Variants in BEAN1 observed in about 807,000 individuals in gnomAD.
BEAN1 encodes the protein brain expressed associated with NEDD4 1, also known as protein BEAN1.
Under a neutral mutation model 17.7 loss-of-function variants are expected in BEAN1, and 17 were observed. The ratio of observed to expected loss-of-function variants is 0.96; its 90% CI spans 0.66 to 1.44. The LOEUF (loss-of-function observed/expected upper bound fraction) is 1.44, where lower values mean the gene tolerates loss of function less well. Among genes scored for constraint, BEAN1 ranks in the 40% most tolerant of loss-of-function variants. BEAN1 has a pLI of 0.00. For synonymous variants in BEAN1, 142 were observed against 151.8 expected (o/e 0.94, Z 0.47); for missense variants, 359 against 374.1 (o/e 0.96, Z 0.33).
At chr16:66,435,087 G>A (rs1961961720) in intron 1 of BEAN1, among the ~76,000 whole-genome samples, 1 of 152,110 alleles carries the variant, frequency 6.6e-6, no homozygotes, top group African/African-American at 2.4e-5. Flanking sequence ...AGCTACATAG[G>A]AGTTTGCCAA....
rs1156252095 is a variant in BEAN1 at position 66,482,428 on chromosome 16, G to A, written c.*1503G>A. On this transcript the variant is annotated 3_prime_UTR_variant, in exon 5 of 5. Coordinates refer to ENST00000536005, the MANE Select transcript of BEAN1 (RefSeq NM_001178020.3). ...CTGTAGAGATAGCATTTCTTCTGGTGCGGAGCTGAAAGGAATCCACCCAGA... is the reference window on the plus strand; with the variant it reads ...CTGTAGAGATAGCATTTCTTCTGGTACGGAGCTGAAAGGAATCCACCCAGA... The A allele has an allele frequency of 6.1e-6, 1 of 163,082 alleles. No homozygotes were observed. The highest frequency in any genetic ancestry group is 1.3e-5 in the Non-Finnish European group (1 of 74,428). 10.1% of individuals were successfully genotyped at this position (163,082 alleles called of 1,614,324 possible).
At chr16:66,469,463 A>T in intron 2 of BEAN1, 139 bp from the exon 3 acceptor site, 1 of 1,072,772 alleles carries the variant, frequency 9.3e-7, no homozygotes, top group Non-Finnish European at 1.3e-6. Context: ...AGGAGCAGCC[A>T]GGATAGAGTC....
At chr16:66,487,880 G>A (rs1964110748) in intron 4 of BEAN1, among the ~76,000 whole-genome samples, 1 of 152,158 alleles carries the variant, frequency 6.6e-6, no homozygotes, top group Non-Finnish European at 1.5e-5. Flanking sequence ...CAGTCACACT[G>A]ACGGGCAGAG....
At chr16:66,494,375 G>A (rs954406438), downstream of BEAN1, among the ~76,000 whole-genome samples, 2 of 152,220 alleles carry the variant, frequency 1.3e-5, no homozygotes, top group Middle Eastern at 3.4e-3. Context: ...TATGAGCCTC[G>A]TTTTCCTCAT....
chr16:66,479,348 C>T (rs1963896757), intron 4 of BEAN1, among the ~76,000 whole-genome samples: 2 of 152,060 alleles, frequency 1.3e-5, no homozygotes, highest in South Asian at 4.1e-4. Context: ...GCCAACTTCT[C>T]CCTGAGTCAG....
At chr16:66,450,495 C>T (rs1263492042) in intron 2 of BEAN1, among the ~76,000 whole-genome samples, 1 of 152,050 alleles carries the variant, frequency 6.6e-6, no homozygotes. Context: ...ACGGGAGGAT[C>T]GCTTGAGGCC....
chr16:66,437,531 C>A, intron 1 of BEAN1, 64 bp from the exon 2 acceptor site: 1 of 966,758 alleles, frequency 1.0e-6, no homozygotes, highest in Non-Finnish European at 1.5e-6. Flanking sequence ...TGTGAGCGCC[C>A]AGCCTGCAGG....
intron 1 of BEAN1, among the ~76,000 whole-genome samples, chr16:66,437,104 G>GTAATAA (rs141371324): frequency 1.1e-3 from 159 of 150,982 alleles, no homozygotes; most frequent in South Asian, 1.9e-3. Context: ...TTATGTTGGG[G>GTAATAA]TAATAATAAT....
chr16:66,446,412 T>C (rs192602226), intron 2 of BEAN1, among the ~76,000 whole-genome samples: 270 of 152,018 alleles, frequency 1.8e-3, no homozygotes, highest in African/African-American at 4.7e-3. Context: ...AGATGGGGAA[T>C]ATTATGGGCA....
chr16:66,458,909 C>T (rs905851616), intron 2 of BEAN1, among the ~76,000 whole-genome samples: 11 of 152,358 alleles, frequency 7.2e-5, no homozygotes, highest in Non-Finnish European at 1.0e-4. Flanking sequence ...TTCTGCCTTG[C>T]ACAGCAGAGG....
At chr16:66,442,464 G>A (rs2142386182) in intron 2 of BEAN1, among the ~76,000 whole-genome samples, 1 of 152,306 alleles carries the variant, frequency 6.6e-6, no homozygotes, top group Admixed American at 6.5e-5. Flanking sequence ...AGAAGGGTGG[G>A]AGGTAGCATC....
At chr16:66,480,443 G>C in intron 4 of BEAN1, 143 bp from the exon 5 acceptor site, 1 of 632,962 alleles carries the variant, frequency 1.6e-6, no homozygotes, top group Non-Finnish European at 2.6e-6. Flanking sequence ...GAAGTAGCAG[G>C]GTTTCATTGG....
chr16:66,494,044 C>G (rs568243995), downstream of BEAN1, among the ~76,000 whole-genome samples: 2 of 152,290 alleles, frequency 1.3e-5, no homozygotes, highest in South Asian at 4.1e-4. Flanking sequence ...CCACTATACC[C>G]CCAGTGGGGG....
In BEAN1 at chr16:66,477,971, G is replaced by A. The variant is rs769513421; in HGVS notation, c.440+261G>A. The A allele has an allele frequency of 3.8e-5, 13 of 345,658 alleles. 1 individual carries two copies. The Admixed American group carries it at 4.5e-4, about 12-fold the overall frequency. 21.4% of individuals were successfully genotyped at this position (345,658 alleles called of 1,614,324 possible). A position where few individuals can be genotyped will look rare whatever the true frequency, so the allele number is the denominator to read the frequency against. ...CCTCAGGCTGTTGAGTAGGCATGCC[G>A]GGAATGCCCCTGCAGTTTCAGGGGA... On this transcript the variant is annotated intron_variant, in intron 4 of 4. Transcript: ENST00000536005.
At chr16:66,469,551 G>C in intron 2 of BEAN1, 51 bp from the exon 3 acceptor site, 1 of 1,481,518 alleles carries the variant, frequency 6.7e-7, no homozygotes, top group Non-Finnish European at 9.1e-7. Flanking sequence ...GAGAAGGAAG[G>C]GGTGTGGCAG....
chr16:66,480,824 G>T lies in BEAN1; in HGVS notation c.679G>T (p.Gly227Cys). 1 of 1,536,792 alleles carries T rather than the reference G, an allele frequency of 6.5e-7. No individual in the cohort carries two copies. The highest frequency in any genetic ancestry group is 1.4e-5 in the African/African-American group (1 of 72,910). The stretch of plus-strand genomic sequence containing the variant: ...TGTGTGCGGGGCTGGCCCCCCATCA[G>T]GCCTGCTGCCACTGCCGGGCCCAGA... ...EAVCGAGPPS[G>C]LLPLPGPDPG... Residue 227 changes from glycine to cysteine, a missense_variant, in exon 5 of 5, where the codon GGC (glycine) becomes TGC (cysteine). Coordinates refer to ENST00000536005, the MANE Select transcript of BEAN1 (RefSeq NM_001178020.3).
At chr16:66,458,492 G>A (rs1962957403) in intron 2 of BEAN1, among the ~76,000 whole-genome samples, 2 of 152,074 alleles carry the variant, frequency 1.3e-5, no homozygotes, top group African/African-American at 2.4e-5. Flanking sequence ...CAGGTTCAGA[G>A]AGGGCAAGCG....
In BEAN1 at chr16:66,469,694, A is replaced by G; in HGVS notation, c.118A>G (p.Ser40Gly). The G allele has an allele frequency of 6.5e-7, 1 of 1,536,008 alleles. No homozygotes were observed. The highest frequency in any genetic ancestry group is 8.7e-7 in the Non-Finnish European group (1 of 1,146,872). ...GCTCGTGTCCCCCGTGCTGGTGGCG[A>G]GTGCCGTCATAGGTGTGGTCATCAT... Reference protein sequence around the residue: ...HLLVSPVLVASAVIGVVIILS... With the variant: ...HLLVSPVLVAGAVIGVVIILS... The change falls in exon 3 of 5, where the codon AGT (serine) becomes GGT (glycine). Residue 40 changes from serine to glycine, a missense_variant. Physicochemically the swap from Ser to Gly is moderately conservative, Grantham distance 56 (BLOSUM62 0). Transcript: ENST00000536005.
Position 66,445,475 on chromosome 16 carries a change from CAAAAAAAAAAAAAAAAAAAAAA to C in BEAN1, c.25+7793_25+7814del, listed in dbSNP as rs61540693. Reference sequence around the variant, plus strand: ...TGGGCAAGAGAGTGAGACTCCGTCTCAAAAAAAAAAAAAAAAAAAAAAAAAAAAAAAAAAAAAAAAGCAGAGT... The same window carrying C: ...TGGGCAAGAGAGTGAGACTCCGTCTCAAAAAAAAAAAAAAAAAAGCAGAGT... On this transcript the variant is annotated intron_variant, in intron 2 of 4. Transcript: ENST00000536005. Among the ~76,000 whole-genome samples, 78 of 49,328 alleles carry C rather than the reference CAAAAAAAAAAAAAAAAAAAAAA, an allele frequency of 1.6e-3. 1 individual carries two copies. The highest frequency in any genetic ancestry group is 4.8e-3 in the African/African-American group (59 of 12,368). 32.4% of individuals were successfully genotyped at this position (49,328 alleles called of 152,430 possible).
Sources: allele counts gnomAD v4.1 joint callset (sites outside exome capture counted in the v4.1 genomes callset), GRCh38; gene constraint gnomAD v4.1.1; transcripts MANE v1.5; gene names NCBI Gene and HGNC (gene_info 2026-07-23, HGNC 2026-07-21).